The following LYRM4 variants were observed in gnomAD, a reference collection of about 807,000 sequenced individuals.
The protein encoded by LYRM4 is LYR motif containing 4.
In LYRM4, 9 loss-of-function variants were observed where a neutral mutation model predicts 11.7. That is an observed-to-expected ratio of 0.77 (90% confidence interval 0.46 to 1.34). LYRM4 has a LOEUF of 1.34. Among genes scored for constraint, LYRM4 ranks in the 40% most tolerant of loss-of-function variants. The pLI, the probability that LYRM4 is intolerant of heterozygous loss-of-function variation, is 0.00. For synonymous variants in LYRM4, 42 were observed against 40.4 expected (o/e 1.04, Z -0.15); for missense variants, 133 against 112.5 (o/e 1.18, Z -0.82).
intron 2 of LYRM4, among the ~76,000 whole-genome samples, chr6:5,172,605 C>T (rs1759497533): frequency 6.6e-6 from 1 of 152,136 alleles, no homozygotes; most frequent in Non-Finnish European, 1.5e-5. Flanking sequence ...GGGAGGACCA[C>T]ACAAATGACT....
chr6:5,138,310 CCT>C (rs1757205876), intron 2 of LYRM4, among the ~76,000 whole-genome samples: 1 of 151,526 alleles, frequency 6.6e-6, no homozygotes, highest in African/African-American at 2.4e-5. Flanking sequence ...ATGACAAAAC[CCT>C]GTCTCTACAA....
chr6:5,258,263 T>C (rs777947533), intron 1 of LYRM4, among the ~76,000 whole-genome samples: 26 of 152,258 alleles, frequency 1.7e-4, no homozygotes, highest in Non-Finnish European at 3.4e-4. Flanking sequence ...TTTATTTCAC[T>C]ACTCTAATTA....
the LYRM4 span, among the ~76,000 whole-genome samples, chr6:5,063,206 C>G: frequency 1.3e-5 from 2 of 152,084 alleles, no homozygotes; most frequent in Non-Finnish European, 2.9e-5. Flanking sequence ...TAGGAAGGCA[C>G]TGAAACTGGC....
the LYRM4 span, among the ~76,000 whole-genome samples, chr6:5,069,906 G>A: frequency 1.3e-5 from 2 of 152,216 alleles, no homozygotes; most frequent in South Asian, 4.1e-4. Flanking sequence ...AGCACCTGGA[G>A]GCATGTCACA....
At chr6:5,241,458 T>C (rs1763874988) in intron 1 of LYRM4, among the ~76,000 whole-genome samples, 1 of 152,224 alleles carries the variant, frequency 6.6e-6, no homozygotes, top group Admixed American at 6.5e-5. Flanking sequence ...AGCATTACAA[T>C]GGTTTTCATC....
At chr6:5,073,441 G>C in the LYRM4 span, among the ~76,000 whole-genome samples, 1 of 149,782 alleles carries the variant, frequency 6.7e-6, no homozygotes, top group Non-Finnish European at 1.5e-5. Context: ...GACTGCAGGT[G>C]GGTCACACTA....
At chr6:5,234,161 T>C (rs1447926141) in intron 1 of LYRM4, among the ~76,000 whole-genome samples, 1 of 152,274 alleles carries the variant, frequency 6.6e-6, no homozygotes, top group Non-Finnish European at 1.5e-5. Context: ...CATTCTTGTT[T>C]AGGAAGACTA....
chr6:5,188,845 C>A (rs1176998960), intron 2 of LYRM4, among the ~76,000 whole-genome samples: 1 of 152,170 alleles, frequency 6.6e-6, no homozygotes, highest in Non-Finnish European at 1.5e-5. Flanking sequence ...CTCACTGCAG[C>A]CTTGACCTTT....
At chr6:5,114,148 T>C (rs465453) in intron 2 of LYRM4, among the ~76,000 whole-genome samples, 142,809 of 152,256 alleles carry the variant, frequency 0.94, 67,106 homozygotes, top group African/African-American at 0.99. Flanking sequence ...CTGCCCGCCC[T>C]CCAGTTTGTC....
intron 2 of LYRM4, among the ~76,000 whole-genome samples, chr6:5,152,453 A>G (rs1053940190): frequency 6.6e-6 from 1 of 152,176 alleles, no homozygotes; most frequent in Admixed American, 6.5e-5. Flanking sequence ...CTGGCTTTTA[A>G]TAATCTGCCA....
intron 2 of LYRM4, among the ~76,000 whole-genome samples, chr6:5,212,160 T>C (rs959348547): frequency 1.3e-5 from 2 of 152,144 alleles, no homozygotes; most frequent in Non-Finnish European, 2.9e-5. Context: ...AGACAGGAAA[T>C]AGTGACACAA....
At chr6:5,110,914 G>T (rs1041346162) in intron 2 of LYRM4, among the ~76,000 whole-genome samples, 1 of 152,196 alleles carries the variant, frequency 6.6e-6, no homozygotes, top group Non-Finnish European at 1.5e-5. Context: ...CCACACTTTA[G>T]GTGGCAAGGT....
At chr6:5,131,331 G>A (rs1421593289) in intron 2 of LYRM4, among the ~76,000 whole-genome samples, 2 of 152,152 alleles carry the variant, frequency 1.3e-5, no homozygotes, top group Non-Finnish European at 2.9e-5. Flanking sequence ...TCTTAAAAAG[G>A]TAATCACAGA....
chr6:5,245,949 A>C (rs1764177760), intron 1 of LYRM4, among the ~76,000 whole-genome samples: 1 of 152,344 alleles, frequency 6.6e-6, no homozygotes, highest in African/African-American at 2.4e-5. Flanking sequence ...AAAGGCAGGA[A>C]ACACAGACCA....
intron 2 of LYRM4, among the ~76,000 whole-genome samples, chr6:5,185,486 A>G (rs909161632): frequency 2.6e-5 from 4 of 152,358 alleles, no homozygotes; most frequent in Admixed American, 6.5e-5. Context: ...GAATACAAAC[A>G]CACACCTACT....
chr6:5,119,420 G>A (rs1201986294), intron 2 of LYRM4, among the ~76,000 whole-genome samples: 5 of 152,086 alleles, frequency 3.3e-5, no homozygotes, highest in Admixed American at 6.5e-5. Context: ...TCATGAACAC[G>A]CAGTTGTCCT....
At chr6:5,165,132 A>C (rs1163582628) in intron 2 of LYRM4, among the ~76,000 whole-genome samples, 1 of 152,166 alleles carries the variant, frequency 6.6e-6, no homozygotes, top group Non-Finnish European at 1.5e-5. Context: ...ACAATTAGAA[A>C]CATTTTCTTT....
chr6:5,252,067 G>C (rs1192310566), intron 1 of LYRM4, among the ~76,000 whole-genome samples: 1 of 152,196 alleles, frequency 6.6e-6, no homozygotes, highest in Non-Finnish European at 1.5e-5. Flanking sequence ...AGCGAGACCT[G>C]ACGTTGATCA....
chr6:5,231,663 A>G (rs1763249580), intron 1 of LYRM4, among the ~76,000 whole-genome samples: 1 of 152,228 alleles, frequency 6.6e-6, no homozygotes, highest in African/African-American at 2.4e-5. Context: ...CTAAAATTCC[A>G]TAAATTTGAA....
Sources: gnomAD v4.1 joint callset for allele counts (sites outside exome capture counted in the v4.1 genomes callset) on GRCh38, gnomAD v4.1.1 for gene constraint, MANE v1.5 for transcripts, NCBI Gene and HGNC (gene_info 2026-07-23, HGNC 2026-07-21) for gene names.